NPIPB11: variants seen among roughly 807,000 people sequenced by gnomAD.
NPIPB11 encodes nuclear pore complex-interacting protein family member B11.
Under a neutral mutation model 32.8 loss-of-function variants are expected in NPIPB11, and 17 were observed. That is an observed-to-expected ratio of 0.52 (90% CI 0.35 to 0.78). NPIPB11 has a LOEUF of 0.78. Ranked by LOEUF, NPIPB11 falls within the 30% of genes least tolerant of loss-of-function variation. The pLI, the probability that NPIPB11 is intolerant of heterozygous loss-of-function variation, is 0.01. For missense variants in NPIPB11, 537 were observed against 1,000.4 expected (o/e 0.54, Z 6.25); for synonymous variants, 209 against 398.4 (o/e 0.52, Z 5.66).
chr16:29,394,116 C>T (rs1963791123), intron 2 of NPIPB11, 40 bp from the exon 3 acceptor site: 1 of 1,586,836 alleles, frequency 6.3e-7, no homozygotes, highest in African/African-American at 1.3e-5. Flanking sequence ...AGGTCAATGA[C>T]ACTGACAATA....
At position 29,397,815 on chromosome 16, in the gene NPIPB11, G is replaced by T. The variant is rs1208246958; in HGVS notation, c.121-3739C>A. 1.8e-4 allele frequency: 43 copies of T among 233,408 alleles called. 5 individuals are homozygous for T. The East Asian group carries it at 3.4e-3, about 18-fold the overall frequency. The allele number at this position is 233,408 out of a possible 1,614,324, so 14.5% of individuals were successfully genotyped here. A position where few individuals can be genotyped will look rare whatever the true frequency, so the allele number is the denominator to read the frequency against. On this transcript the variant is annotated intron_variant, in intron 2 of 7. Coordinates refer to ENST00000524087, the Ensembl canonical transcript of NPIPB11. Reference sequence around the variant, plus strand: ...AGGGGGGAAGTAAGGGAAGGGAAAGGAGGAGAAGGGGGCTGTTGGGCACCT... The same window carrying T: ...AGGGGGGAAGTAAGGGAAGGGAAAGTAGGAGAAGGGGGCTGTTGGGCACCT...
chr16:29,401,062 AG>A (rs1212296148), intron 2 of NPIPB11, among the ~76,000 whole-genome samples: 2 of 152,108 alleles, frequency 1.3e-5, no homozygotes, highest in Non-Finnish European at 2.9e-5. Context: ...TGGAACAAAG[AG>A]GAAGAATCAG....
At chr16:29,394,109 T>C (rs1963790926) in intron 2 of NPIPB11, 33 bp from the exon 3 acceptor site, 3 of 1,589,916 alleles carry the variant, frequency 1.9e-6, no homozygotes, top group Admixed American at 1.7e-5. Context: ...AATGAAAAGG[T>C]CAATGACACT....
intron 2 of NPIPB11, among the ~76,000 whole-genome samples, chr16:29,402,748 G>T (rs929947598): frequency 6.7e-6 from 1 of 150,362 alleles, no homozygotes; most frequent in Non-Finnish European, 1.5e-5. Context: ...GTGTGTGTGT[G>T]TGTGTGTGTG....
In NPIPB11 at chr16:29,382,299, G is replaced by A. The variant is rs200060765; in HGVS notation, c.2633C>T (p.Pro878Leu). The change falls in exon 8 of 8, where the codon CCG becomes CTG. Residue 878 changes from proline (P) to leucine (L), a missense_variant. Physicochemically the swap from Pro to Leu is moderately conservative, Grantham distance 98 (BLOSUM62 -3). Transcript: ENST00000524087. ...CCACAGACGCTCCCCGCAGACGCTC[G>A]GCAGGTGTCTTGATATTATCATCTG... 285 of 1,593,192 alleles carry A rather than the reference G, an allele frequency of 1.8e-4. 2 individuals carry two copies. Among genetic ancestry groups the A allele is most frequent in the Admixed American group, 3.1e-4 (18 of 58,338 alleles).
At chr16:29,402,724 C>A (rs166294) in intron 2 of NPIPB11, among the ~76,000 whole-genome samples, 44 of 119,668 alleles carry the variant, frequency 3.7e-4, no homozygotes, top group Admixed American at 1.2e-3. Context: ...CTCTCTCTCT[C>A]TGTGTGTGTG....
In NPIPB11 at chr16:29,402,724, C is replaced by CTCTCTCTG. The variant is rs1449821025; in HGVS notation, c.120+958_120+959insCAGAGAGA. 1.2e-3 allele frequency among the ~76,000 whole-genome samples: 144 copies of CTCTCTCTG among 119,668 alleles called. 1 individual carries two copies. In the East Asian group the frequency reaches 0.012, roughly 10 times the overall value. 78.5% of individuals were successfully genotyped at this position (119,668 alleles called of 152,430 possible). A position where few individuals can be genotyped will look rare whatever the true frequency, so the allele number is the denominator to read the frequency against. ...TCTCTCTCTCTCTCTCTCTCTCTCTCTGTGTGTGTGTGTGTGTGTGTGTGT... is the reference window on the plus strand; with the variant it reads ...TCTCTCTCTCTCTCTCTCTCTCTCTCTCTCTCTGTGTGTGTGTGTGTGTGTGTGTGTGT... On this transcript the variant is annotated intron_variant, in intron 2 of 7. Coordinates refer to ENST00000524087, the Ensembl canonical transcript of NPIPB11.
rs369050477 is a variant in NPIPB11, at chr16:29,401,976, C to T, written c.120+1707G>A. Reference sequence around the variant, plus strand: ...ATCCTAGCAGGCATGCACCATCTACCCCACACTCTGTGATGCAGACTAGCC... The same window carrying T: ...ATCCTAGCAGGCATGCACCATCTACTCCACACTCTGTGATGCAGACTAGCC... On this transcript the variant is annotated intron_variant, in intron 2 of 7. Transcript: ENST00000524087. 1.7e-3 allele frequency among the ~76,000 whole-genome samples: 253 copies of T among 151,186 alleles called. 1 individual carries two copies. The East Asian group carries it at 0.04, about 24-fold the overall frequency.
intron 2 of NPIPB11, among the ~76,000 whole-genome samples, chr16:29,401,933 T>G (rs1279026207): frequency 6.6e-6 from 1 of 150,872 alleles, no homozygotes; most frequent in East Asian, 2.0e-4. Flanking sequence ...GTTTCTTACC[T>G]ACAGTGATAC....
upstream of NPIPB11, among the ~76,000 whole-genome samples, chr16:29,405,564 T>A (rs985204907): frequency 6.6e-6 from 1 of 152,118 alleles, no homozygotes; most frequent in African/African-American, 2.4e-5. Flanking sequence ...GTTTTTCCTT[T>A]AAAAACTGAG....
exon 8 of NPIPB11, chr16:29,383,209 A>T: frequency 6.4e-7 from 1 of 1,565,230 alleles, no homozygotes; most frequent in Non-Finnish European, 8.7e-7. Flanking sequence ...TCATCTGCTG[A>T]GGGTGGAGCT....
exon 8 of NPIPB11, chr16:29,382,268 C>A: frequency 6.2e-7 from 1 of 1,604,158 alleles, no homozygotes; most frequent in South Asian, 1.1e-5. Context: ...AGGGTGGAAG[C>A]GGAACCCACA....
rs781434059 is a variant in NPIPB11, at chr16:29,383,226, G to C, written c.1706C>G (p.Pro569Arg). 2.6e-6 allele frequency: 4 copies of C among 1,565,736 alleles called. No homozygotes were observed. In the South Asian group the frequency reaches 4.6e-5, roughly 18 times the overall value. The stretch of plus-strand genomic sequence containing the variant: ...ATCTGCTGAGGGTGGAGCTGAGGGT[G>C]GAAGGGGAGTGAGCTGACGCTCGGA... Residue 569 changes from proline (P) to arginine (R), a missense_variant, in exon 8 of 8, where the codon CCA (proline) becomes CGA (arginine). Coordinates refer to ENST00000524087, the Ensembl canonical transcript of NPIPB11.
At chr16:29,401,631 G>A (rs1444961218) in intron 2 of NPIPB11, among the ~76,000 whole-genome samples, 3 of 152,100 alleles carry the variant, frequency 2.0e-5, no homozygotes, top group Non-Finnish European at 2.9e-5. Flanking sequence ...AGTATTTCAG[G>A]TTCTCTCCTG....
In NPIPB11 at chr16:29,390,843, A is replaced by G. The variant is rs1057112500; in HGVS notation, c.250-495T>C. On this transcript the variant is annotated intron_variant, in intron 3 of 7. Transcript: ENST00000524087. ...CCAGGCATGGTGGTGCATGCCTGTAATCCCAGCTAGTCGGGAGGTTGAGGC... is the reference window on the plus strand; with the variant it reads ...CCAGGCATGGTGGTGCATGCCTGTAGTCCCAGCTAGTCGGGAGGTTGAGGC... 1.4e-4 allele frequency among the ~76,000 whole-genome samples: 21 copies of G among 151,804 alleles called. No homozygotes were observed. In the East Asian group the frequency reaches 2.1e-3, roughly 15 times the overall value.
At chr16:29,383,876 C>T in exon 8 of NPIPB11, 2 of 1,242,354 alleles carry the variant, frequency 1.6e-6, no homozygotes, top group Admixed American at 2.0e-5. Context: ...TGAGCTGACG[C>T]TCGGAAGGTG....
chr16:29,382,324 G>C lies in NPIPB11; in HGVS notation c.2608C>G (p.Gln870Glu), dbSNP rs765424509. The change falls in exon 8 of 8, where the codon CAG becomes GAG. Residue 870 changes from glutamine to glutamate, a missense_variant. Physicochemically the swap from Gln to Glu is conservative, Grantham distance 29. Transcript: ENST00000524087. Reference sequence around the variant, plus strand: ...GGCAGGTGTCTTGATATTATCATCTGCTGAGGGTGGAGCTGAGGGTGGAAG... The same window carrying C: ...GGCAGGTGTCTTGATATTATCATCTCCTGAGGGTGGAGCTGAGGGTGGAAG... 7.3e-5 allele frequency: 114 copies of C among 1,562,274 alleles called. 1 individual carries two copies. Among genetic ancestry groups the C allele is most frequent in the Non-Finnish European group, 9.2e-5 (107 of 1,165,372 alleles).
chr16:29,392,030 C>T (rs1963735002), intron 3 of NPIPB11, among the ~76,000 whole-genome samples: 1 of 152,030 alleles, frequency 6.6e-6, no homozygotes, highest in Admixed American at 6.6e-5. Context: ...CTGAAATAAT[C>T]TTTCAAATTC....
intron 3 of NPIPB11, among the ~76,000 whole-genome samples, chr16:29,390,989 C>T (rs1963708278): frequency 6.8e-6 from 1 of 147,258 alleles, no homozygotes; most frequent in African/African-American, 2.6e-5. Flanking sequence ...AAAAAATAGG[C>T]CACCTGCGGT....
Sources: gnomAD v4.1 joint callset for allele counts (sites outside exome capture counted in the v4.1 genomes callset) on GRCh38, gnomAD v4.1.1 for gene constraint, MANE v1.5 for transcripts, NCBI Gene and HGNC (gene_info 2026-07-23, HGNC 2026-07-21) for gene names.